NSD1: variants seen among roughly 807,000 people sequenced by gnomAD.
NSD1 encodes the protein histone-lysine N-methyltransferase, H3 lysine-36 specific.
NSD1 carries 26 observed loss-of-function variants against 242.7 expected under a neutral mutation model. The observed-to-expected ratio is 0.11, with a 90% CI of 0.08 to 0.15. The LOEUF (loss-of-function observed/expected upper bound fraction) is 0.15. Ranked by LOEUF, NSD1 falls within the 10% of genes least tolerant of loss-of-function variation. The probability of loss-of-function intolerance (pLI) is 1.00; values close to 1 mark genes in which losing one functional copy is unlikely to be tolerated. For missense variants in NSD1, 2,495 were observed against 3,272.8 expected (o/e 0.76, Z 5.80); for synonymous variants, 1,106 against 1,178.1 (o/e 0.94, Z 1.25).
intron 5 of NSD1, among the ~76,000 whole-genome samples, chr5:177,220,421 CTG>C (rs1323108238): frequency 6.6e-6 from 1 of 152,076 alleles, no homozygotes; most frequent in African/African-American, 2.4e-5. Flanking sequence ...CGTTCAGCCT[CTG>C]TGAAGTGAGA....
chr5:177,273,498 C>T (rs1489155206), intron 16 of NSD1, among the ~76,000 whole-genome samples, 174 bp from the exon 17 acceptor site: 1 of 152,148 alleles, frequency 6.6e-6, no homozygotes, highest in Non-Finnish European at 1.5e-5. Context: ...CTTTGGACTA[C>T]ATTACCTGTT....
At chr5:177,160,643 CA>C (rs1337897300) in intron 2 of NSD1, among the ~76,000 whole-genome samples, 1 of 152,094 alleles carries the variant, frequency 6.6e-6, no homozygotes, top group Non-Finnish European at 1.5e-5. Context: ...GAGAGTTTAT[CA>C]AGGACTTTTT....
chr5:177,158,998 TTATATATA>T (rs10564918), intron 2 of NSD1, among the ~76,000 whole-genome samples: 261 of 122,454 alleles, frequency 2.1e-3, no homozygotes, highest in African/African-American at 6.6e-3. Context: ...ATGAATGATT[TTATATATA>T]TATATATATA....
At position 177,187,698 on chromosome 5, in the gene NSD1, TTCTG is replaced by T. The variant is rs149854297; in HGVS notation, c.928-4180_928-4177del. 3.0e-3 allele frequency among the ~76,000 whole-genome samples: 455 copies of T among 152,280 alleles called. 6 individuals carry two copies. Among genetic ancestry groups the T allele is most frequent in the African/African-American group, 0.01 (431 of 41,546 alleles). On this transcript the variant is annotated intron_variant, in intron 2 of 22. Coordinates refer to ENST00000439151, the MANE Select transcript of NSD1 (RefSeq NM_022455.5). ...GGCTTTCCTTGGTTAATAGATTGTG[TTCTG>T]TCTGTGTTTTCACGTTGTCTTCCCT... is the stretch of plus-strand genomic sequence containing the variant.
chr5:177,239,221 G>C (rs1220148644), intron 7 of NSD1, among the ~76,000 whole-genome samples: 2 of 151,958 alleles, frequency 1.3e-5, no homozygotes, highest in African/African-American at 4.8e-5. Context: ...AAACTAGTTG[G>C]GTATAATAAA....
chr5:177,143,170 C>A (rs1400401993), intron 2 of NSD1, among the ~76,000 whole-genome samples: 1 of 152,094 alleles, frequency 6.6e-6, no homozygotes, highest in Non-Finnish European at 1.5e-5. Context: ...TTTCAATGGA[C>A]CAAATTACTA....
intron 2 of NSD1, among the ~76,000 whole-genome samples, chr5:177,149,306 C>T (rs1042850074): frequency 6.6e-6 from 1 of 151,904 alleles, no homozygotes; most frequent in African/African-American, 2.4e-5. Context: ...GCAACCTCCA[C>T]CTGCTGAGTT....
At chr5:177,265,058 T>A in intron 14 of NSD1, 1 of 758,304 alleles carries the variant, frequency 1.3e-6, no homozygotes, top group South Asian at 1.3e-5. Flanking sequence ...TAAGCACTCC[T>A]AAGAGCCAAG....
intron 2 of NSD1, among the ~76,000 whole-genome samples, chr5:177,165,113 A>G (rs1360490771): frequency 6.6e-6 from 1 of 152,182 alleles, no homozygotes; most frequent in Non-Finnish European, 1.5e-5. Flanking sequence ...CAAAAAATAA[A>G]AAATAAAATA....
chr5:177,175,847 T>G (rs1044792380), intron 2 of NSD1, among the ~76,000 whole-genome samples: 2 of 152,196 alleles, frequency 1.3e-5, no homozygotes, highest in Non-Finnish European at 2.9e-5. Context: ...AAAGCATGTT[T>G]GTGATATAAA....
intron 5 of NSD1, among the ~76,000 whole-genome samples, chr5:177,226,914 T>C (rs1012277177): frequency 6.6e-6 from 1 of 152,236 alleles, no homozygotes; most frequent in Non-Finnish European, 1.5e-5. Flanking sequence ...ACTTTGGTTG[T>C]TTGGAATTTC....
At position 177,269,479 on chromosome 5, in the gene NSD1, C is replaced by T. The variant is rs1757785277; in HGVS notation, c.5304-123C>T. The T allele has an allele frequency of 4.7e-6, 4 of 853,282 alleles. No homozygotes were observed. The highest frequency in any genetic ancestry group is 5.3e-5 in the East Asian group (2 of 37,952). The allele number at this position is 853,282 out of a possible 1,614,324, so 52.9% of individuals were successfully genotyped here. A position where few individuals can be genotyped will look rare whatever the true frequency, so the allele number is the denominator to read the frequency against. On this transcript the variant is annotated intron_variant, in intron 15 of 22. Coordinates refer to ENST00000439151, the MANE Select transcript of NSD1 (RefSeq NM_022455.5). The surrounding 1 kb of genome is among the most constrained non-coding windows in gnomAD (Gnocchi z 5.1). ...TGTTCTAGTTAGGTTGTAAGAATGC[C>T]GTAAGATGGACTTTAATGTGGACAG... is the stretch of plus-strand genomic sequence containing the variant.
Position 177,269,067 on chromosome 5 carries a change from G to A in NSD1, c.5304-535G>A, listed in dbSNP as rs747953930. On this transcript the variant is annotated intron_variant, in intron 15 of 22. Transcript: ENST00000439151. This position sits in a 1 kb window ranked among gnomAD's most constrained non-coding sequence, Gnocchi z 5.1. ...GAGGTTTCCAGCTTTAATAGGTAGT[G>A]CCAAATTGTCTCCCTAAAGTGGCTG... Among the ~76,000 whole-genome samples the A allele has an allele frequency of 7.2e-5, 11 of 152,066 alleles. No individual in the cohort carries two copies. Among genetic ancestry groups the A allele is most frequent in the Non-Finnish European group, 1.5e-4 (10 of 68,018 alleles).
intron 3 of NSD1, among the ~76,000 whole-genome samples, chr5:177,201,710 C>T (rs1762519773): frequency 6.6e-6 from 1 of 151,558 alleles, no homozygotes; most frequent in African/African-American, 2.4e-5. Flanking sequence ...AGGCAAGTTG[C>T]ACCACGCCCG....
At chr5:177,218,762 G>A (rs1483659289) in intron 5 of NSD1, among the ~76,000 whole-genome samples, 1 of 151,322 alleles carries the variant, frequency 6.6e-6, no homozygotes, top group Non-Finnish European at 1.5e-5. Flanking sequence ...TAGTAGACAG[G>A]GTTTCACCAT....
intron 2 of NSD1, among the ~76,000 whole-genome samples, chr5:177,189,856 T>C (rs2149818402): frequency 6.6e-6 from 1 of 152,290 alleles, no homozygotes; most frequent in East Asian, 1.9e-4. Context: ...ACAGATAAAA[T>C]ATTTGTCTTT....
Position 177,299,083 on chromosome 5 carries a change from T to TTAG in NSD1, c.*3626_*3628dup, listed in dbSNP as rs1185079251. On this transcript the variant is annotated 3_prime_UTR_variant, in exon 23 of 23. Transcript: ENST00000439151. ...GGAGCCTGTCATTGGCTATGGCCAGTTAGTTCTCAGCTGAGCTTCCTAGGG... is the reference window on the plus strand; with the variant it reads ...GGAGCCTGTCATTGGCTATGGCCAGTTAGTAGTTCTCAGCTGAGCTTCCTAGGG... 3 of 233,040 alleles carry TTAG rather than the reference T, an allele frequency of 1.3e-5. No homozygotes were observed. Among genetic ancestry groups the TTAG allele is most frequent in the African/African-American group, 6.6e-5 (3 of 45,336 alleles). The allele number at this position is 233,040 out of a possible 1,614,324, so 14.4% of individuals were successfully genotyped here.
intron 2 of NSD1, among the ~76,000 whole-genome samples, chr5:177,164,008 C>T (rs1758966469): frequency 6.6e-6 from 1 of 151,806 alleles, no homozygotes; most frequent in Non-Finnish European, 1.5e-5. Flanking sequence ...GTTTGGGAGA[C>T]GTGGTCTCGC....
chr5:177,210,915 T>G lies in NSD1; in HGVS notation c.2516T>G (p.Leu839Arg), dbSNP rs565892442. ...GGGAAAGTGGATGGTCTAAAACTAC[T>G]GAACAATATGCATGAGAAAACCAGG... ...KSGKVDGLKLLNNMHEKTRDS... is the reference protein window; with the variant it reads ...KSGKVDGLKLRNNMHEKTRDS... The change falls in exon 5 of 23, where the codon CTG (leucine) becomes CGG (arginine). Residue 839 changes from leucine (L) to arginine (R), a missense_variant. Physicochemically the swap from Leu to Arg is moderately radical, Grantham distance 102. Around this residue, in one of 19 missense-constraint regions of NSD1, gnomAD observed 121 missense variants for 167.2 expected, o/e 0.72. Transcript: ENST00000439151. 1 of 1,614,146 alleles carries G rather than the reference T, an allele frequency of 6.2e-7. No homozygotes were observed. The highest frequency in any genetic ancestry group is 1.1e-5 in the South Asian group (1 of 91,086).
Sources: allele counts gnomAD v4.1 joint callset (sites outside exome capture counted in the v4.1 genomes callset), GRCh38; gene constraint gnomAD v4.1.1; regional missense constraint gnomAD v4.1.1; non-coding constraint Gnocchi (gnomAD v3.1); transcripts MANE v1.5; gene names NCBI Gene and HGNC (gene_info 2026-07-23, HGNC 2026-07-21).